ULK4: variants seen among roughly 807,000 people sequenced by gnomAD.
ULK4 encodes the protein unc-51 like kinase 4.
Under a neutral mutation model 160.6 loss-of-function variants are expected in ULK4, and 133 were observed. The observed-to-expected ratio is 0.83, with a 90% confidence interval of 0.72 to 0.96. ULK4 has a LOEUF of 0.96. ULK4 is among the 40% of genes least tolerant of loss of function. The pLI is 0.00. For synonymous variants in ULK4, 534 were observed against 539.8 expected, an observed-to-expected ratio of 0.99 and a Z score of 0.15; for missense variants, 1,580 against 1,499.5, an observed-to-expected ratio of 1.05 and a Z score of -0.89.
Position 41,492,583 on chromosome 3 carries a change from A to G in ULK4, c.3227-29330T>C, listed in dbSNP as rs866101245. 2.3e-3 allele frequency among the ~76,000 whole-genome samples: 342 copies of G among 150,226 alleles called. 2 individuals carry two copies. The highest frequency in any genetic ancestry group is 8.1e-3 in the African/African-American group (327 of 40,124). On this transcript the variant is annotated intron_variant, in intron 32 of 36. Coordinates refer to ENST00000301831, the MANE Select transcript of ULK4 (RefSeq NM_017886.4). The stretch of plus-strand genomic sequence containing the variant: ...ATCAAATCCACACATAACAATATTA[A>G]CTTTAAATGTAATTGGACTAAATGC...
At chr3:41,477,508 T>G (rs2084179001) in intron 32 of ULK4, among the ~76,000 whole-genome samples, 1 of 152,228 alleles carries the variant, frequency 6.6e-6, no homozygotes, top group African/African-American at 2.4e-5. Context: ...CACTAGGGTT[T>G]GTTAAAATCA....
At chr3:41,483,755 T>C (rs534275510) in intron 32 of ULK4, among the ~76,000 whole-genome samples, 13 of 152,260 alleles carry the variant, frequency 8.5e-5, no homozygotes, top group African/African-American at 2.9e-4. Context: ...GCTAAGAATC[T>C]TGAGATGGGG....
At chr3:41,368,557 T>A (rs2125780192) in intron 35 of ULK4, among the ~76,000 whole-genome samples, 1 of 152,332 alleles carries the variant, frequency 6.6e-6, no homozygotes, top group South Asian at 2.1e-4. Flanking sequence ...GCAACCACAA[T>A]CTTTCTGTAG....
intron 20 of ULK4, among the ~76,000 whole-genome samples, chr3:41,792,149 CAAT>C (rs2040168592): frequency 6.6e-6 from 1 of 151,856 alleles, no homozygotes; most frequent in South Asian, 2.1e-4. Context: ...AGAAAAGTAT[CAAT>C]AGTAGTAATA....
At chr3:41,300,862 T>TATATAA (rs2079779788) in intron 35 of ULK4, among the ~76,000 whole-genome samples, 1 of 111,398 alleles carries the variant, frequency 9.0e-6, no homozygotes. Context: ...TATATATATA[T>TATATAA]ATATATATAT....
At position 41,616,179 on chromosome 3, in the gene ULK4, C is replaced by A. The variant is rs560728147; in HGVS notation, c.3072-462G>T. ...TCTTTAATTTTTAAAAAATTAGACACCAGTCACCTGGTAGACACTAGGCAC... is the reference window on the plus strand; with the variant it reads ...TCTTTAATTTTTAAAAAATTAGACAACAGTCACCTGGTAGACACTAGGCAC... On this transcript the variant is annotated intron_variant, in intron 30 of 36. Coordinates refer to ENST00000301831, the MANE Select transcript of ULK4 (RefSeq NM_017886.4). Among the ~76,000 whole-genome samples, 27 of 152,220 alleles carry A rather than the reference C, an allele frequency of 1.8e-4. 1 individual carries two copies. The South Asian group carries it at 5.6e-3, about 32-fold the overall frequency.
chr3:41,918,851 T>C (rs1699069250), intron 6 of ULK4, among the ~76,000 whole-genome samples: 2 of 152,152 alleles, frequency 1.3e-5, no homozygotes, highest in Admixed American at 1.3e-4. Context: ...TCCGCCCGCC[T>C]CGATCTCCCA....
chr3:41,312,275 G>C (rs1256624784), intron 35 of ULK4, among the ~76,000 whole-genome samples: 1 of 152,068 alleles, frequency 6.6e-6, no homozygotes, highest in African/African-American at 2.4e-5. Context: ...ACGCCAGGCT[G>C]AATATTTACA....
intron 31 of ULK4, among the ~76,000 whole-genome samples, chr3:41,603,718 G>A (rs1200562192): frequency 6.6e-6 from 1 of 152,116 alleles, no homozygotes; most frequent in East Asian, 1.9e-4. Context: ...TATAACCACT[G>A]GAAGAGGCTG....
intron 35 of ULK4, among the ~76,000 whole-genome samples, chr3:41,302,990 A>C (rs1417497339): frequency 6.6e-6 from 1 of 152,228 alleles, no homozygotes; most frequent in African/African-American, 2.4e-5. Flanking sequence ...AACAGACTAT[A>C]GACAAAGACT....
chr3:41,485,018 A>G (rs1417697372), intron 32 of ULK4, among the ~76,000 whole-genome samples: 1 of 152,228 alleles, frequency 6.6e-6, no homozygotes, highest in Non-Finnish European at 1.5e-5. Context: ...GTAAAGAAAA[A>G]GTAATAACAG....
At chr3:41,313,821 T>G (rs2080097841) in intron 35 of ULK4, among the ~76,000 whole-genome samples, 1 of 152,138 alleles carries the variant, frequency 6.6e-6, no homozygotes, top group Non-Finnish European at 1.5e-5. Context: ...AGACCGGGCT[T>G]AGGGACTGAC....
chr3:41,861,054 C>A lies in ULK4; in HGVS notation c.1656+22820G>T, dbSNP rs77339002. Among the ~76,000 whole-genome samples the A allele has an allele frequency of 5.9e-3, 893 of 152,222 alleles. 10 individuals are homozygous for A. The highest frequency in any genetic ancestry group is 0.02 in the Middle Eastern group (6 of 294). ...AAAAACTCTATGCCTTAATATCATG[C>A]CCCTGCTTTTAAACTTTTTGCTGTT... On this transcript the variant is annotated intron_variant, in intron 17 of 36. Coordinates refer to ENST00000301831, the MANE Select transcript of ULK4 (RefSeq NM_017886.4).
chr3:41,703,749 A>G (rs1037865459), intron 27 of ULK4, among the ~76,000 whole-genome samples: 2 of 152,124 alleles, frequency 1.3e-5, no homozygotes, highest in African/African-American at 2.4e-5. Context: ...TCTGTCTTAA[A>G]AAAAAACCCA....
At chr3:41,764,594 AATGTAGG>A (rs2039097787) in intron 21 of ULK4, among the ~76,000 whole-genome samples, 4 of 152,208 alleles carry the variant, frequency 2.6e-5, no homozygotes, top group Non-Finnish European at 5.9e-5. Flanking sequence ...TTAAAAGAGA[AATGTAGG>A]ACTTAGACAA....
chr3:41,378,350 T>C (rs977815014), intron 35 of ULK4, among the ~76,000 whole-genome samples: 1 of 151,326 alleles, frequency 6.6e-6, no homozygotes, highest in African/African-American at 2.4e-5. Context: ...AATGTGCACA[T>C]GTACCCTAAA....
chr3:41,264,492 C>T (rs2078996065), intron 35 of ULK4, among the ~76,000 whole-genome samples: 1 of 152,198 alleles, frequency 6.6e-6, no homozygotes. Flanking sequence ...ACATAAGCCA[C>T]GCATTTTAGA....
At chr3:41,494,721 C>A (rs923101871) in intron 32 of ULK4, among the ~76,000 whole-genome samples, 1 of 152,122 alleles carries the variant, frequency 6.6e-6, no homozygotes, top group African/African-American at 2.4e-5. Flanking sequence ...TGATAAGCAA[C>A]TTCAGCAAAG....
intron 35 of ULK4, among the ~76,000 whole-genome samples, chr3:41,330,975 G>A (rs536654681): frequency 6.6e-6 from 1 of 152,298 alleles, no homozygotes; most frequent in African/African-American, 2.4e-5. Context: ...CAAGACTAAA[G>A]GGTCTGCTTA....
Sources: gnomAD v4.1 joint callset for allele counts (sites outside exome capture counted in the v4.1 genomes callset) on GRCh38, gnomAD v4.1.1 for gene constraint, MANE v1.5 for transcripts, NCBI Gene and HGNC (gene_info 2026-07-23, HGNC 2026-07-21) for gene names.